Variants in XRRA1 observed in about 807,000 individuals in gnomAD.
XRRA1 encodes the protein X-ray radiation resistance-associated protein 1.
XRRA1 carries 69 observed loss-of-function variants against 80.2 expected under a neutral mutation model. That is an observed-to-expected ratio of 0.86 (90% confidence interval 0.71 to 1.05). The LOEUF (loss-of-function observed/expected upper bound fraction) is 1.05. Ranked by LOEUF, XRRA1 falls within the 50% of genes least tolerant of loss-of-function variation. The pLI, the probability that XRRA1 is intolerant of heterozygous loss-of-function variation, is 0.00. For synonymous variants in XRRA1, 348 were observed against 389.9 expected, an observed-to-expected ratio of 0.89 and a Z score of 1.27; for missense variants, 967 against 976.4, an observed-to-expected ratio of 0.99 and a Z score of 0.13.
At chr11:74,899,217 A>G (rs1233683462) in intron 10 of XRRA1, among the ~76,000 whole-genome samples, 1 of 152,144 alleles carries the variant, frequency 6.6e-6, no homozygotes, top group African/African-American at 2.4e-5. Context: ...GAAACAAATG[A>G]TAATGGACAC....
rs376266994 is a variant in XRRA1, at chr11:74,907,255, C to A, written c.675G>T (p.Ser225=). The change falls in exon 9 of 19, where the codon TCG becomes TCT. Residue 225 remains serine (S), a synonymous_variant. Transcript: ENST00000684022. ...AVAEQEASVT[S]LTSKRYILRF... is the part of the protein sequence containing the mutation. The stretch of plus-strand genomic sequence containing the variant: ...TCAGGATGTACCTCTTGCTTGTCAG[C>A]GATGTTACAGATGCCTCCCTGTGAG... 11 of 1,613,846 alleles carry A rather than the reference C, an allele frequency of 6.8e-6. No homozygotes were observed. The highest frequency in any genetic ancestry group is 9.3e-6 in the Non-Finnish European group (11 of 1,179,824).
chr11:74,881,834 C>T (rs1388654327), intron 10 of XRRA1, among the ~76,000 whole-genome samples: 2 of 148,902 alleles, frequency 1.3e-5, no homozygotes, highest in East Asian at 2.0e-4. Flanking sequence ...TGAATATTGG[C>T]CCCCACTCTC....
Position 74,852,067 on chromosome 11 carries a change from C to T in XRRA1, c.1186G>A (p.Ala396Thr), listed in dbSNP as rs1356540068. Residue 396 changes from alanine (A) to threonine (T), a missense_variant, in exon 13 of 19, where the codon GCT becomes ACT. Coordinates refer to ENST00000684022, the MANE Select transcript of XRRA1 (RefSeq NM_001378157.1). ...LAYNKIAKED[A>T]VLPVALFPSL... Reference sequence around the variant, plus strand: ...GGGAAGAGAGCTACTGGTAGGACAGCATCCTCTTTTGCGATCTGTAATGAA... The same window carrying T: ...GGGAAGAGAGCTACTGGTAGGACAGTATCCTCTTTTGCGATCTGTAATGAA... The T allele has an allele frequency of 1.2e-6, 2 of 1,613,814 alleles. No individual in the cohort carries two copies. The highest frequency in any genetic ancestry group is 1.3e-5 in the African/African-American group (1 of 74,912).
Position 74,857,798 on chromosome 11 carries a change from A to C in XRRA1, c.1170+1360T>G, listed in dbSNP as rs987040988. Reference sequence around the variant, plus strand: ...TGCACACAAAATAGATTAGAAATAAATACAAGACACCTAGAAGAGCCCCCA... The same window carrying C: ...TGCACACAAAATAGATTAGAAATAACTACAAGACACCTAGAAGAGCCCCCA... On this transcript the variant is annotated intron_variant, in intron 12 of 18. Transcript: ENST00000684022. Among the ~76,000 whole-genome samples, 6 of 152,382 alleles carry C rather than the reference A, an allele frequency of 3.9e-5. 1 individual carries two copies. The South Asian group carries it at 1.2e-3, about 32-fold the overall frequency.
At chr11:74,908,404 T>A (rs186457794) in intron 8 of XRRA1, among the ~76,000 whole-genome samples, 1 of 152,154 alleles carries the variant, frequency 6.6e-6, no homozygotes, top group Admixed American at 6.5e-5. Flanking sequence ...TAGCCCCATG[T>A]GGATTAAAGG....
At chr11:74,943,575 G>C (rs977640283) in intron 2 of XRRA1, among the ~76,000 whole-genome samples, 1 of 149,960 alleles carries the variant, frequency 6.7e-6, no homozygotes, top group Non-Finnish European at 1.5e-5. Flanking sequence ...GTGTCAGAGA[G>C]AGAGAGAGAG....
chr11:74,941,870 G>C (rs1946396040), intron 2 of XRRA1, among the ~76,000 whole-genome samples: 1 of 152,144 alleles, frequency 6.6e-6, no homozygotes, highest in Non-Finnish European at 1.5e-5. Context: ...TAGAGAAAAA[G>C]AGGAGCAAGA....
Position 74,906,219 on chromosome 11 carries a change from G to A in XRRA1, c.1003+20C>T, listed in dbSNP as rs1206939955. 1 of 1,604,440 alleles carries A rather than the reference G, an allele frequency of 6.2e-7. No homozygotes were observed. The highest frequency in any genetic ancestry group is 8.5e-7 in the Non-Finnish European group (1 of 1,172,920). Reference sequence around the variant, plus strand: ...TTCCACCATGAGGGTAGAATTTCTGGGACAAGGGGTGTCACTCACCTGTCC... The same window carrying A: ...TTCCACCATGAGGGTAGAATTTCTGAGACAAGGGGTGTCACTCACCTGTCC... On this transcript the variant is annotated intron_variant, in intron 10 of 18. Transcript: ENST00000684022.
intron 10 of XRRA1, chr11:74,863,696 G>C (rs1312246076): frequency 6.6e-6 from 1 of 152,146 alleles, no homozygotes; most frequent in Non-Finnish European, 1.5e-5. Context: ...CTTTACCCTA[G>C]TTAACCGACA....
intron 5 of XRRA1, chr11:74,933,245 A>C (rs890960387): frequency 2.0e-5 from 3 of 152,274 alleles, no homozygotes; most frequent in Non-Finnish European, 4.4e-5. Flanking sequence ...CAGTTTCATA[A>C]GGCAATTTTC....
chr11:74,872,614 T>C (rs1340834899), intron 10 of XRRA1, among the ~76,000 whole-genome samples: 4 of 152,020 alleles, frequency 2.6e-5, no homozygotes, highest in African/African-American at 9.7e-5. Context: ...ACCCCAACCA[T>C]GTCCAGCCAG....
intron 10 of XRRA1, among the ~76,000 whole-genome samples, chr11:74,903,772 T>C (rs558103596): frequency 1.3e-5 from 2 of 152,270 alleles, no homozygotes; most frequent in South Asian, 4.1e-4. Context: ...AAAAACAATG[T>C]TGACTGAAAA....
chr11:74,897,238 A>G (rs1399374281), intron 10 of XRRA1, among the ~76,000 whole-genome samples: 1 of 152,040 alleles, frequency 6.6e-6, no homozygotes, highest in Non-Finnish European at 1.5e-5. Flanking sequence ...TATACTAAAG[A>G]ATGCATCAGT....
intron 8 of XRRA1, among the ~76,000 whole-genome samples, chr11:74,912,966 C>A (rs590105): frequency 0.46 from 70,584 of 151,930 alleles, 16,817 homozygotes; most frequent in Middle Eastern, 0.53. Context: ...AATTGGTGCT[C>A]ATCTCTGGGG....
At chr11:74,885,255 C>T (rs946021809) in intron 10 of XRRA1, among the ~76,000 whole-genome samples, 1 of 151,628 alleles carries the variant, frequency 6.6e-6, no homozygotes. Context: ...CAGAGTGAGA[C>T]CCTGTCTCAA....
chr11:74,843,768 C>G lies in XRRA1; in HGVS notation c.2149+86G>C, dbSNP rs748093282. 116 of 1,248,830 alleles carry G rather than the reference C, an allele frequency of 9.3e-5. No homozygotes were observed. The East Asian group carries it at 2.9e-3, about 31-fold the overall frequency. 77.4% of individuals were successfully genotyped at this position (1,248,830 alleles called of 1,614,324 possible). ...AGGCAGTTGCTCTCTAAGGGCCTTT[C>G]CTGCACTGACACAAGCCCTTTCTTT... On this transcript the variant is annotated intron_variant, in intron 18 of 18. Transcript: ENST00000684022.
intron 3 of XRRA1, among the ~76,000 whole-genome samples, chr11:74,939,979 CT>C (rs962940640): frequency 3.3e-5 from 5 of 152,162 alleles, no homozygotes; most frequent in African/African-American, 1.2e-4. Flanking sequence ...GGGAAAGTCT[CT>C]GTGTGAAAAA....
At chr11:74,887,370 GC>G (rs374917436) in intron 10 of XRRA1, among the ~76,000 whole-genome samples, 12 of 152,084 alleles carry the variant, frequency 7.9e-5, no homozygotes, top group African/African-American at 2.9e-4. Context: ...AAATTTATAA[GC>G]AAAAAACCAC....
At chr11:74,886,418 A>C (rs1027479829) in intron 10 of XRRA1, among the ~76,000 whole-genome samples, 1 of 152,130 alleles carries the variant, frequency 6.6e-6, no homozygotes, top group African/African-American at 2.4e-5. Flanking sequence ...TACACCAACA[A>C]CCTCCAAACT....
Sources: gnomAD v4.1 joint callset for allele counts (sites outside exome capture counted in the v4.1 genomes callset) on GRCh38, gnomAD v4.1.1 for gene constraint, MANE v1.5 for transcripts, NCBI Gene and HGNC (gene_info 2026-07-23, HGNC 2026-07-21) for gene names.